Variants in STXBP6 observed in about 807,000 individuals in gnomAD.
The protein encoded by STXBP6 is syntaxin binding protein 6.
A neutral mutation model predicts 26.9 loss-of-function variants in STXBP6; 21 were observed. That is an observed-to-expected ratio of 0.78 (90% CI 0.55 to 1.12). STXBP6 has a LOEUF of 1.12. Ranked by LOEUF, STXBP6 falls within the 50% of genes most tolerant of loss-of-function variation. The pLI is 0.00. For missense variants in STXBP6, 232 were observed against 257.9 expected (o/e 0.90, Z 0.69); for synonymous variants, 97 against 92.6 (o/e 1.05, Z -0.27).
intron 2 of STXBP6, among the ~76,000 whole-genome samples, chr14:24,886,443 G>T (rs2070591977): frequency 3.3e-5 from 5 of 152,070 alleles, no homozygotes; most frequent in African/African-American, 1.2e-4. Flanking sequence ...TGCATCTAAT[G>T]ACCTTAATAC....
At chr14:24,862,733 G>A (rs2069583269) in intron 2 of STXBP6, among the ~76,000 whole-genome samples, 1 of 152,188 alleles carries the variant, frequency 6.6e-6, no homozygotes, top group South Asian at 2.1e-4. Context: ...TTGTAAAGCA[G>A]TTTGGGTAAG....
intron 2 of STXBP6, among the ~76,000 whole-genome samples, chr14:24,919,879 G>A (rs1044144504): frequency 1.3e-5 from 2 of 151,970 alleles, no homozygotes; most frequent in East Asian, 3.9e-4. Context: ...CACTTTGAAA[G>A]AAAGCTTATA....
chr14:24,879,042 A>G lies in STXBP6; in HGVS notation c.155-21885T>C, dbSNP rs1313845630. Among the ~76,000 whole-genome samples, 3 of 152,320 alleles carry G rather than the reference A, an allele frequency of 2.0e-5. No homozygotes were observed. The South Asian group carries it at 6.2e-4, about 32-fold the overall frequency. On this transcript the variant is annotated intron_variant, in intron 2 of 5. Coordinates refer to ENST00000323944, the MANE Select transcript of STXBP6 (RefSeq NM_001394410.1). ...CAGCCTATAAAATGATAAAAAATAC[A>G]TGAATTCTAAGAAAATAAACAACAA...
chr14:24,982,863 C>T (rs553692799), intron 1 of STXBP6, among the ~76,000 whole-genome samples: 3 of 152,130 alleles, frequency 2.0e-5, no homozygotes, highest in African/African-American at 7.2e-5. Context: ...TTACTACATC[C>T]TAACTTTCAC....
chr14:24,895,237 T>C (rs1014643727), intron 2 of STXBP6, among the ~76,000 whole-genome samples: 1 of 152,222 alleles, frequency 6.6e-6, no homozygotes, highest in Non-Finnish European at 1.5e-5. Flanking sequence ...ATTTTTTTCA[T>C]TGTGAAATGA....
rs144296884 is a variant in STXBP6, at chr14:24,840,526, T to C, written c.451+15410A>G. 3.6e-3 allele frequency among the ~76,000 whole-genome samples: 550 copies of C among 152,352 alleles called. 4 individuals carry two copies. Among genetic ancestry groups the C allele is most frequent in the Admixed American group, 0.014 (219 of 15,298 alleles). On this transcript the variant is annotated intron_variant, in intron 4 of 5. Transcript: ENST00000323944. ...GGGCCCATTACTCCCAGAGCTTTCC[T>C]GGCTTCTGCTCCATTGTTCTAAAGA...
At position 24,901,265 on chromosome 14, in the gene STXBP6, G is replaced by A. The variant is rs776096364; in HGVS notation, c.155-44108C>T. Reference sequence around the variant, plus strand: ...AATGTCCTCAAATCTAGTGATTTACGATCATTTTAGACAAACACTGTTTTT... The same window carrying A: ...AATGTCCTCAAATCTAGTGATTTACAATCATTTTAGACAAACACTGTTTTT... On this transcript the variant is annotated intron_variant, in intron 2 of 5. Transcript: ENST00000323944. Among the ~76,000 whole-genome samples the A allele has an allele frequency of 5.3e-5, 8 of 150,886 alleles. 1 individual carries two copies. The South Asian group carries it at 6.3e-4, about 12-fold the overall frequency.
chr14:25,049,900 T>C lies in STXBP6; in HGVS notation c.-55A>G, dbSNP rs1952495. 1.0e-6 allele frequency: 1 copy of C among 983,376 alleles called. No homozygotes were observed. 60.9% of individuals were successfully genotyped at this position (983,376 alleles called of 1,614,324 possible). On this transcript the variant is annotated 5_prime_UTR_variant, in exon 1 of 6. Transcript: ENST00000323944. The surrounding 1 kb of genome is among the most constrained non-coding windows in gnomAD (Gnocchi z 5.6). The stretch of plus-strand genomic sequence containing the variant: ...TACCGTGCAGCCTGGCTCGCGCCCC[T>C]GCCGTGCCAGTGCGCGGCACGCGTC...
chr14:24,869,953 T>A (rs2069868550), intron 2 of STXBP6, among the ~76,000 whole-genome samples: 2 of 152,296 alleles, frequency 1.3e-5, no homozygotes, highest in Middle Eastern at 3.4e-3. Context: ...CTATGAAGTA[T>A]GGTTCCCTAG....
intron 1 of STXBP6, among the ~76,000 whole-genome samples, chr14:24,984,141 A>T (rs2074271793): frequency 6.6e-6 from 1 of 152,194 alleles, no homozygotes; most frequent in South Asian, 2.1e-4. Flanking sequence ...CTGAGGCAGG[A>T]GAATCACTTG....
At chr14:24,985,974 C>T (rs1381705918) in intron 1 of STXBP6, among the ~76,000 whole-genome samples, 1 of 152,050 alleles carries the variant, frequency 6.6e-6, no homozygotes, top group African/African-American at 2.4e-5. Flanking sequence ...ATATTGCTCT[C>T]GACTTTTTTA....
Position 24,965,525 on chromosome 14 carries a change from C to G in STXBP6, c.154+9140G>C, listed in dbSNP as rs146293112. Among the ~76,000 whole-genome samples the G allele has an allele frequency of 2.7e-3, 412 of 152,084 alleles. 2 individuals carry two copies. Among genetic ancestry groups the G allele is most frequent in the Non-Finnish European group, 4.6e-3 (311 of 68,004 alleles). On this transcript the variant is annotated intron_variant, in intron 2 of 5. Transcript: ENST00000323944. ...CATTAGTGGGATAGTGAGTATCCCA[C>G]TAATGATGAGATAATAGTATTGCTC...
intron 4 of STXBP6, among the ~76,000 whole-genome samples, chr14:24,835,355 A>T (rs1348671273): frequency 6.7e-6 from 1 of 149,242 alleles, no homozygotes; most frequent in East Asian, 2.0e-4. Flanking sequence ...GTGTTTTTTG[A>T]CCAGTAAAAG....
chr14:24,818,066 G>A (rs1011387149), intron 5 of STXBP6: 2 of 456,532 alleles, frequency 4.4e-6, no homozygotes, highest in African/African-American at 4.0e-5. Flanking sequence ...CAGCAGAAGT[G>A]GTGTTTCTGT....
intron 2 of STXBP6, among the ~76,000 whole-genome samples, chr14:24,970,445 C>T (rs1364070941): frequency 6.6e-6 from 1 of 152,126 alleles, no homozygotes; most frequent in Non-Finnish European, 1.5e-5. Flanking sequence ...TTACTTTTGT[C>T]TGTTCTAGAA....
intron 5 of STXBP6, among the ~76,000 whole-genome samples, chr14:24,813,693 T>G (rs531451812): frequency 6.6e-6 from 1 of 151,872 alleles, no homozygotes; most frequent in African/African-American, 2.4e-5. Context: ...ATCTGCATCC[T>G]GACCAGGCTC....
At chr14:24,871,644 G>C (rs1016945649) in intron 2 of STXBP6, among the ~76,000 whole-genome samples, 1 of 152,204 alleles carries the variant, frequency 6.6e-6, no homozygotes, top group South Asian at 2.1e-4. Context: ...CCTCTCCAGA[G>C]CAAGGACTGT....
At chr14:25,015,583 CA>C (rs2075131017) in intron 1 of STXBP6, among the ~76,000 whole-genome samples, 1 of 151,936 alleles carries the variant, frequency 6.6e-6, no homozygotes, top group Non-Finnish European at 1.5e-5. Flanking sequence ...AGGCAACAGT[CA>C]GAATCCCGGA....
intron 2 of STXBP6, among the ~76,000 whole-genome samples, chr14:24,925,603 C>A (rs1431455079): frequency 6.6e-6 from 1 of 152,130 alleles, no homozygotes; most frequent in Non-Finnish European, 1.5e-5. Context: ...CAGCATTTCT[C>A]CACTCTGAAA....
Sources: gnomAD v4.1 joint callset for allele counts (sites outside exome capture counted in the v4.1 genomes callset) on GRCh38, gnomAD v4.1.1 for gene constraint, Gnocchi (gnomAD v3.1) non-coding constraint, MANE v1.5 for transcripts, NCBI Gene and HGNC (gene_info 2026-07-23, HGNC 2026-07-21) for gene names.